Variants in COG5 observed in about 807,000 individuals in gnomAD.
COG5 encodes conserved oligomeric Golgi complex subunit 5.
COG5 carries 86 observed loss-of-function variants against 110.4 expected under a neutral mutation model. The observed-to-expected ratio is 0.78, with a 90% CI of 0.65 to 0.93. The LOEUF (loss-of-function observed/expected upper bound fraction) is 0.93. Among genes scored for constraint, COG5 ranks in the 40% least tolerant of loss-of-function variants. COG5 has a pLI of 0.00. For missense variants in COG5, 1,077 were observed against 987.0 expected (o/e 1.09, Z -1.22); for synonymous variants, 360 against 334.6 (o/e 1.08, Z -0.83).
chr7:107,297,510 G>A (rs917389981), intron 12 of COG5, among the ~76,000 whole-genome samples: 4 of 135,960 alleles, frequency 2.9e-5, no homozygotes, highest in Non-Finnish European at 4.5e-5. Context: ...GTGCAGTGAC[G>A]TGATCTCAGC....
Position 107,209,190 on chromosome 7 carries a change from T to C in COG5, c.2375+1336A>G, listed in dbSNP as rs1249762980. 8 of 985,244 alleles carry C rather than the reference T, an allele frequency of 8.1e-6. No individual in the cohort carries two copies. In the African/African-American group the frequency reaches 1.2e-4, roughly 15 times the overall value. 61.0% of individuals were successfully genotyped at this position (985,244 alleles called of 1,614,324 possible). Reference sequence around the variant, plus strand: ...TGCAGTGGGCCCAGACCAACAGAATTGGGATCCCCTGGGAGAGTTGAGAAT... The same window carrying C: ...TGCAGTGGGCCCAGACCAACAGAATCGGGATCCCCTGGGAGAGTTGAGAAT... On this transcript the variant is annotated intron_variant, in intron 21 of 21. Transcript: ENST00000297135.
At chr7:107,523,776 T>C (rs1310397175) in intron 6 of COG5, among the ~76,000 whole-genome samples, 1 of 151,960 alleles carries the variant, frequency 6.6e-6, no homozygotes, top group East Asian at 1.9e-4. Flanking sequence ...GATTGCGCCA[T>C]TGTGCTCTAG....
chr7:107,243,625 T>C (rs1801824929), intron 17 of COG5, among the ~76,000 whole-genome samples: 1 of 150,948 alleles, frequency 6.6e-6, no homozygotes, highest in Non-Finnish European at 1.5e-5. Context: ...GGCAGAAAAT[T>C]AACAAAGACA....
intron 6 of COG5, among the ~76,000 whole-genome samples, chr7:107,480,637 T>C (rs184402442): frequency 1.1e-3 from 166 of 152,186 alleles, no homozygotes; most frequent in African/African-American, 3.5e-3. Flanking sequence ...AATTTGAAGA[T>C]TGACTTTTTT....
intron 3 of COG5, among the ~76,000 whole-genome samples, chr7:107,548,564 T>C (rs1318369068): frequency 1.3e-5 from 2 of 152,174 alleles, no homozygotes; most frequent in African/African-American, 4.8e-5. Flanking sequence ...ACTGACTGCT[T>C]AATGGATATG....
chr7:107,385,988 TTGTGTGTGTGTGTGTGTGTG>T (rs59992824), intron 7 of COG5, among the ~76,000 whole-genome samples: 4 of 144,830 alleles, frequency 2.8e-5, no homozygotes, highest in Non-Finnish European at 3.0e-5. Context: ...AAACCAGGTT[TTGTGTGTGTGTGTGTGTGTG>T]TGTGTGTGTG....
At chr7:107,254,407 AATAAGTCATAACAGTTTTTT>A (rs1802735887) in intron 16 of COG5, among the ~76,000 whole-genome samples, 1 of 151,946 alleles carries the variant, frequency 6.6e-6, no homozygotes, top group Non-Finnish European at 1.5e-5. Flanking sequence ...CTTTTTACTT[AATAAGTCATAACAGTTTTTT>A]ATAAGACTTA....
At chr7:107,288,540 G>A (rs750076048) in intron 12 of COG5, among the ~76,000 whole-genome samples, 5 of 151,990 alleles carry the variant, frequency 3.3e-5, no homozygotes, top group Non-Finnish European at 5.9e-5. Flanking sequence ...GATTTGTATT[G>A]TGGTTCTGAT....
chr7:107,558,486 C>T (rs553612494), intron 1 of COG5, among the ~76,000 whole-genome samples: 5 of 152,050 alleles, frequency 3.3e-5, no homozygotes, highest in Non-Finnish European at 7.4e-5. Context: ...TGCCTGTAAT[C>T]CCAGCTACTC....
intron 8 of COG5, among the ~76,000 whole-genome samples, chr7:107,365,721 A>G (rs1813554327): frequency 6.7e-6 from 1 of 149,848 alleles, no homozygotes; most frequent in Non-Finnish European, 1.5e-5. Flanking sequence ...TGAGATGAAG[A>G]AAAAAAAAAT....
intron 17 of COG5, among the ~76,000 whole-genome samples, chr7:107,238,470 G>A (rs1019039263): frequency 6.2e-5 from 9 of 145,180 alleles, no homozygotes; most frequent in African/African-American, 2.0e-4. Flanking sequence ...ATGGAAGTGC[G>A]TATATCTTTT....
At chr7:107,296,711 C>T (rs1368622141) in intron 12 of COG5, among the ~76,000 whole-genome samples, 1 of 151,774 alleles carries the variant, frequency 6.6e-6, no homozygotes, top group East Asian at 1.9e-4. Flanking sequence ...CTGCCCAGCA[C>T]GAGTCAGAAC....
chr7:107,250,170 C>A (rs765830513), intron 16 of COG5, among the ~76,000 whole-genome samples: 2 of 152,054 alleles, frequency 1.3e-5, no homozygotes, highest in Admixed American at 1.3e-4. Context: ...TATAAGGCCA[C>A]GGCAGTGGTA....
intron 7 of COG5, among the ~76,000 whole-genome samples, chr7:107,376,197 C>T (rs1398073488): frequency 2.0e-5 from 3 of 152,018 alleles, no homozygotes; most frequent in Non-Finnish European, 4.4e-5. Flanking sequence ...ATTACTGTAG[C>T]TTTAAATACC....
At chr7:107,427,307 A>G (rs1793703854) in intron 6 of COG5, among the ~76,000 whole-genome samples, 1 of 152,170 alleles carries the variant, frequency 6.6e-6, no homozygotes, top group African/African-American at 2.4e-5. Context: ...CTATACATCA[A>G]AATTGACATG....
rs536546327 is a variant in COG5, at chr7:107,408,773, G to T, written c.669+3729C>A. ...ATCTAGATCTTGTCAGAGGAAATATGGCTCTGAAGCTATCAAATGCAATGA... is the reference window on the plus strand; with the variant it reads ...ATCTAGATCTTGTCAGAGGAAATATTGCTCTGAAGCTATCAAATGCAATGA... On this transcript the variant is annotated intron_variant, in intron 7 of 21. Transcript: ENST00000297135. Among the ~76,000 whole-genome samples the T allele has an allele frequency of 8.5e-5, 13 of 152,264 alleles. No individual in the cohort carries two copies. The South Asian group carries it at 1.2e-3, about 15-fold the overall frequency.
rs572043438 is a variant in COG5 at position 107,442,488 on chromosome 7, T to A, written c.539-29856A>T. On this transcript the variant is annotated intron_variant, in intron 6 of 21. Coordinates refer to ENST00000297135, the MANE Select transcript of COG5 (RefSeq NM_006348.5). ...TGTCAGGAGTAACCCACAGGTTTTTTGTTGTTTTTTTTTTTTAAATACTTA... is the reference window on the plus strand; with the variant it reads ...TGTCAGGAGTAACCCACAGGTTTTTAGTTGTTTTTTTTTTTTAAATACTTA... Among the ~76,000 whole-genome samples, 8 of 126,668 alleles carry A rather than the reference T, an allele frequency of 6.3e-5. No homozygotes were observed. In the East Asian group the frequency reaches 1.9e-3, roughly 31 times the overall value. The allele number at this position is 126,668 out of a possible 152,430, so 83.1% of individuals were successfully genotyped here.
At chr7:107,554,136 T>C in intron 3 of COG5, 149 bp downstream of exon 3, 2 of 700,696 alleles carry the variant, frequency 2.9e-6, no homozygotes, top group South Asian at 1.6e-5. Flanking sequence ...ATCTGCCTAC[T>C]TTCACTCTAC....
intron 6 of COG5, among the ~76,000 whole-genome samples, chr7:107,426,870 C>T (rs1793676804): frequency 6.6e-6 from 1 of 152,124 alleles, no homozygotes; most frequent in Non-Finnish European, 1.5e-5. Flanking sequence ...ATAATAAATC[C>T]TTTCTACTTA....
Sources: allele counts gnomAD v4.1 joint callset (sites outside exome capture counted in the v4.1 genomes callset), GRCh38; gene constraint gnomAD v4.1.1; transcripts MANE v1.5; gene names NCBI Gene and HGNC (gene_info 2026-07-23, HGNC 2026-07-21).